The following NCOA2 variants were observed in gnomAD, a reference collection of about 807,000 sequenced individuals.
NCOA2 encodes nuclear receptor coactivator 2.
Under a neutral mutation model 145.1 loss-of-function variants are expected in NCOA2, and 21 were observed. The observed-to-expected ratio is 0.14, with a 90% CI of 0.10 to 0.21. The LOEUF (loss-of-function observed/expected upper bound fraction) is 0.21, where lower values mean the gene tolerates loss of function less well. Ranked by LOEUF, NCOA2 falls within the 10% of genes least tolerant of loss-of-function variation. NCOA2 has a pLI of 1.00. For synonymous variants in NCOA2, 619 were observed against 637.5 expected (o/e 0.97, Z 0.44); for missense variants, 1,472 against 1,837.6 (o/e 0.80, Z 3.64).
In NCOA2 at chr8:70,249,261, C is replaced by T. The variant is rs143082330; in HGVS notation, c.-19-32497G>A. Among the ~76,000 whole-genome samples the T allele has an allele frequency of 2.6e-5, 4 of 152,278 alleles. No individual in the cohort carries two copies. In the East Asian group the frequency reaches 7.7e-4, roughly 29 times the overall value. On this transcript the variant is annotated intron_variant, in intron 2 of 22. Coordinates refer to ENST00000452400, the MANE Select transcript of NCOA2 (RefSeq NM_006540.4). The stretch of plus-strand genomic sequence containing the variant: ...CCCTCTAACCCACAGCAGCATCTGT[C>T]CTAGTGCTGCTTCTATATGATACAC...
At chr8:70,416,200 T>TG in the NCOA2 span, among the ~76,000 whole-genome samples, 1 of 151,130 alleles carries the variant, frequency 6.6e-6, no homozygotes, top group Non-Finnish European at 1.5e-5. Flanking sequence ...TTTTTGTTTT[T>TG]TTTTTTTTTC....
rs1317142877 is a variant in NCOA2, at chr8:70,187,803, TAATGA to T, written c.260-12949_260-12945del. Among the ~76,000 whole-genome samples the T allele has an allele frequency of 8.3e-4, 127 of 152,326 alleles. 1 individual carries two copies. Among genetic ancestry groups the T allele is most frequent in the African/African-American group, 3.0e-3 (123 of 41,578 alleles). ...CCCCACCATTCTACAACCATTCAAA[TAATGA>T]AATAAAATAAAATCCTCATAAAATT... On this transcript the variant is annotated intron_variant, in intron 4 of 22. Transcript: ENST00000452400.
In NCOA2 at chr8:70,290,135, G is replaced by A. The variant is rs536794079; in HGVS notation, c.-20+6609C>T. 2.0e-5 allele frequency among the ~76,000 whole-genome samples: 3 copies of A among 151,534 alleles called. No individual in the cohort carries two copies. In the South Asian group the frequency reaches 6.3e-4, roughly 32 times the overall value. On this transcript the variant is annotated intron_variant, in intron 2 of 22. Transcript: ENST00000452400. ...TACTTTCTCTTTAATCTTTGTAGAT[G>A]AGAAGGCAAAATATAATGGTGCCTA...
rs533351554 is a variant in NCOA2, at chr8:70,244,927, G to A, written c.-19-28163C>T. The A allele has an allele frequency of 9.2e-4, 140 of 152,096 alleles. 1 individual carries two copies. Among genetic ancestry groups the A allele is most frequent in the African/African-American group, 3.0e-3 (125 of 41,504 alleles). The allele number at this position is 152,096 out of a possible 1,614,324, so 9.4% of individuals were successfully genotyped here. ...CACGCTCAGTTCTCCCTTCTACAAC[G>A]CACCGCACATCCAATCCACAAGCAC... On this transcript the variant is annotated intron_variant, in intron 2 of 22. Coordinates refer to ENST00000452400, the MANE Select transcript of NCOA2 (RefSeq NM_006540.4).
At chr8:70,328,007 T>G (rs1806749105) in intron 1 of NCOA2, among the ~76,000 whole-genome samples, 1 of 152,190 alleles carries the variant, frequency 6.6e-6, no homozygotes, top group African/African-American at 2.4e-5. Flanking sequence ...TGGCCACACT[T>G]AAATAAACCT....
At chr8:70,196,752 T>A (rs1346640162) in intron 4 of NCOA2, among the ~76,000 whole-genome samples, 2 of 152,266 alleles carry the variant, frequency 1.3e-5, no homozygotes, top group East Asian at 3.8e-4. Context: ...GGAATTTCTC[T>A]GTGGAACAAC....
intron 2 of NCOA2, among the ~76,000 whole-genome samples, chr8:70,277,042 C>G (rs1204909168): frequency 6.6e-6 from 1 of 152,178 alleles, no homozygotes; most frequent in Non-Finnish European, 1.5e-5. Context: ...TAAGCAGAAC[C>G]TAGATTTCTC....
intron 5 of NCOA2, among the ~76,000 whole-genome samples, chr8:70,174,111 T>A (rs1015767304): frequency 4.6e-5 from 7 of 152,222 alleles, no homozygotes; most frequent in African/African-American, 1.7e-4. Flanking sequence ...ACATCTTGAA[T>A]TTTAATTTTG....
intron 22 of NCOA2, among the ~76,000 whole-genome samples, chr8:70,113,902 GGAT>G (rs1306256365): frequency 1.3e-5 from 2 of 152,126 alleles, no homozygotes; most frequent in African/African-American, 2.4e-5. Flanking sequence ...GTCTGCAAAT[GGAT>G]GATGAATCTC....
At chr8:70,359,492 A>G (rs1010505518) in intron 1 of NCOA2, among the ~76,000 whole-genome samples, 1 of 152,232 alleles carries the variant, frequency 6.6e-6, no homozygotes, top group Non-Finnish European at 1.5e-5. Context: ...TACTATTTAT[A>G]TGAAATATCC....
At position 70,112,954 on chromosome 8, in the gene NCOA2, A is replaced by G; in HGVS notation, c.*678T>C. On this transcript the variant is annotated 3_prime_UTR_variant, in exon 23 of 23. Transcript: ENST00000452400. ...AAAAAACAAGGAAAAAATATTTGCT[A>G]ATGTTAACAGCCCTCTCACAGGCTC... 1 of 198,298 alleles carries G rather than the reference A, an allele frequency of 5.0e-6. No individual in the cohort carries two copies. The highest frequency in any genetic ancestry group is 1.0e-5 in the Non-Finnish European group (1 of 95,668). 12.3% of individuals were successfully genotyped at this position (198,298 alleles called of 1,614,324 possible).
chr8:70,326,402 A>G (rs184240102), intron 1 of NCOA2, among the ~76,000 whole-genome samples: 9 of 151,716 alleles, frequency 5.9e-5, no homozygotes, highest in African/African-American at 2.2e-4. Context: ...AAATGACAGA[A>G]AACTACCCTT....
At chr8:70,246,786 A>G (rs913413386) in intron 2 of NCOA2, among the ~76,000 whole-genome samples, 4 of 152,120 alleles carry the variant, frequency 2.6e-5, no homozygotes, top group African/African-American at 9.7e-5. Context: ...TACTGTAGAT[A>G]CCTCATATAA....
chr8:70,414,946 A>G, the NCOA2 span, among the ~76,000 whole-genome samples: 1 of 151,886 alleles, frequency 6.6e-6, no homozygotes, highest in Non-Finnish European at 1.5e-5. Context: ...TAAAAAAAAA[A>G]GATAGGGTAT....
intron 1 of NCOA2, among the ~76,000 whole-genome samples, chr8:70,367,422 G>A (rs1418722387): frequency 6.6e-6 from 1 of 152,054 alleles, no homozygotes; most frequent in African/African-American, 2.4e-5. Context: ...TTCCTCAGGA[G>A]GTGGACTGCA....
intron 2 of NCOA2, among the ~76,000 whole-genome samples, chr8:70,269,314 A>C (rs1029025453): frequency 6.6e-6 from 1 of 152,152 alleles, no homozygotes; most frequent in Non-Finnish European, 1.5e-5. Context: ...TTGCCATAAA[A>C]GAATAGTGAT....
intron 9 of NCOA2, among the ~76,000 whole-genome samples, chr8:70,160,378 T>C (rs559016989): frequency 8.3e-4 from 126 of 152,220 alleles, no homozygotes; most frequent in African/African-American, 2.9e-3. Context: ...AATAACAAAA[T>C]AGAACACAAA....
the NCOA2 span, among the ~76,000 whole-genome samples, chr8:70,409,208 T>C: frequency 1.3e-5 from 2 of 152,206 alleles, no homozygotes; most frequent in Non-Finnish European, 2.9e-5. Flanking sequence ...TGAGGTCTAA[T>C]TCTAAAAATT....
chr8:70,406,875 G>A (rs1357553630), upstream of NCOA2, among the ~76,000 whole-genome samples: 1 of 152,122 alleles, frequency 6.6e-6, no homozygotes, highest in African/African-American at 2.4e-5. Flanking sequence ...TAACAGTATG[G>A]TAAAAAAGAG....
Sources: gnomAD v4.1 joint callset for allele counts (sites outside exome capture counted in the v4.1 genomes callset) on GRCh38, gnomAD v4.1.1 for gene constraint, MANE v1.5 for transcripts, NCBI Gene and HGNC (gene_info 2026-07-23, HGNC 2026-07-21) for gene names.